Variants in MAX observed in about 807,000 individuals in gnomAD.
The protein encoded by MAX is protein max.
A neutral mutation model predicts 22.3 loss-of-function variants in MAX; 3 were observed. The observed-to-expected ratio is 0.13, with a 90% CI of 0.06 to 0.35. MAX has a LOEUF of 0.35. MAX is among the 10% of genes least tolerant of loss of function. MAX has a pLI of 1.00. For missense variants in MAX, 119 were observed against 209.4 expected (o/e 0.57, Z 2.66); for synonymous variants, 72 against 77.7 (o/e 0.93, Z 0.39).
At chr14:65,087,205 T>C (rs1434671905) in intron 3 of MAX, among the ~76,000 whole-genome samples, 1 of 152,206 alleles carries the variant, frequency 6.6e-6, no homozygotes, top group African/African-American at 2.4e-5. Context: ...AGGGCCCTCA[T>C]GGAGGACCTC....
chr14:65,026,440 G>T (rs935533643), intron 3 of MAX, among the ~76,000 whole-genome samples: 38 of 152,274 alleles, frequency 2.5e-4, no homozygotes, highest in African/African-American at 9.1e-4. Context: ...CCAAGAACCC[G>T]CAGACTGGGA....
chr14:65,102,621 C>T (rs974335804), upstream of MAX: 58 of 1,270,282 alleles, frequency 4.6e-5, no homozygotes, highest in Middle Eastern at 3.0e-4. Context: ...GTCCCTCTAA[C>T]AGACGGCCCG....
rs772958122 is a variant in MAX at position 65,044,428 on chromosome 14, G to A, written c.172-38144C>T. On this transcript the variant is annotated intron_variant, in intron 3 of 3. Coordinates refer to the MAX transcript ENST00000341653. The surrounding 1 kb of genome is among the most constrained non-coding windows in gnomAD (Gnocchi z 5.5). ...GGGGCTCCTGCCCCTGCTCCACCGC[G>A]CACTGCACGCCCAAGGTGAGCCTGG... The A allele has an allele frequency of 3.7e-5, 60 of 1,611,212 alleles. No individual in the cohort carries two copies. Among genetic ancestry groups the A allele is most frequent in the East Asian group, 2.0e-4 (9 of 44,694 alleles).
At chr14:65,099,546 A>G in intron 2 of MAX, among the ~76,000 whole-genome samples, 1 of 151,638 alleles carries the variant, frequency 6.6e-6, no homozygotes, top group East Asian at 1.9e-4. Flanking sequence ...AAACAAACAA[A>G]CAAACAAACA....
Position 65,012,517 on chromosome 14 carries a change from G to C in MAX, c.172-6233C>G. 2 of 1,288,108 alleles carry C rather than the reference G, an allele frequency of 1.6e-6. No homozygotes were observed. 79.8% of individuals were successfully genotyped at this position (1,288,108 alleles called of 1,614,324 possible). ...GTCACTCTTTGTTCTCTGTGGCTCT[G>C]GCAGGAGGTAGGGTGCTGTCACAGA... On this transcript the variant is annotated intron_variant, in intron 3 of 3. Coordinates refer to the MAX transcript ENST00000341653. This position sits in a 1 kb window ranked among gnomAD's most constrained non-coding sequence, Gnocchi z 5.0.
In MAX at chr14:65,030,829, A is replaced by G. The variant is rs149595506; in HGVS notation, c.172-24545T>C. 8.0e-3 allele frequency among the ~76,000 whole-genome samples: 1,204 copies of G among 150,306 alleles called. 7 individuals carry two copies. The highest frequency in any genetic ancestry group is 0.012 in the Non-Finnish European group (839 of 67,654). On this transcript the variant is annotated intron_variant, in intron 3 of 3. Coordinates refer to the MAX transcript ENST00000341653. This position sits in a 1 kb window ranked among gnomAD's most constrained non-coding sequence, Gnocchi z 4.5. Reference sequence around the variant, plus strand: ...TACTTTTTGTTTGTTTTGTTTTGAGATGGAGTTTCTTTCTGTTGCCCAGGC... The same window carrying G: ...TACTTTTTGTTTGTTTTGTTTTGAGGTGGAGTTTCTTTCTGTTGCCCAGGC...
In MAX at chr14:65,028,638, A is replaced by G. The variant is rs2062025427; in HGVS notation, c.172-22354T>C. On this transcript the variant is annotated intron_variant, in intron 3 of 3. Transcript: ENST00000341653. The surrounding 1 kb of genome is among the most constrained non-coding windows in gnomAD (Gnocchi z 4.4). ...AACATTGTGGAGCATAAAATACATT[A>G]CAGATAATAGGTAATCAGGCTGCAA... Among the ~76,000 whole-genome samples, 1 of 152,228 alleles carries G rather than the reference A, an allele frequency of 6.6e-6. No individual in the cohort carries two copies. Among genetic ancestry groups the G allele is most frequent in the Non-Finnish European group, 1.5e-5 (1 of 68,028 alleles).
In MAX at chr14:65,027,318, C is replaced by T. The variant is rs1399375745; in HGVS notation, c.172-21034G>A. The T allele has an allele frequency of 2.9e-6, 4 of 1,380,780 alleles. No individual in the cohort carries two copies. The highest frequency in any genetic ancestry group is 4.2e-5 in the Admixed American group (2 of 47,900). 85.5% of individuals were successfully genotyped at this position (1,380,780 alleles called of 1,614,324 possible). A position where few individuals can be genotyped will look rare whatever the true frequency, so the allele number is the denominator to read the frequency against. On this transcript the variant is annotated intron_variant, in intron 3 of 3. Coordinates refer to the MAX transcript ENST00000341653. The surrounding 1 kb of genome is among the most constrained non-coding windows in gnomAD (Gnocchi z 5.7). Reference sequence around the variant, plus strand: ...CCCTTTGGGGAGAGGTTATATTCAACAAGTGGGAGGAGAGGTTCCCCTCAA... The same window carrying T: ...CCCTTTGGGGAGAGGTTATATTCAATAAGTGGGAGGAGAGGTTCCCCTCAA...
At chr14:65,091,155 T>C (rs1007102673) in intron 3 of MAX, among the ~76,000 whole-genome samples, 1 of 152,140 alleles carries the variant, frequency 6.6e-6, no homozygotes, top group African/African-American at 2.4e-5. Flanking sequence ...CATAATGTCA[T>C]AACCTTAATT....
intron 3 of MAX, among the ~76,000 whole-genome samples, chr14:65,049,786 T>C (rs893859949): frequency 6.6e-6 from 1 of 152,162 alleles, no homozygotes; most frequent in South Asian, 2.1e-4. Context: ...TATGCTTTTT[T>C]AAATAATAGC....
In MAX at chr14:65,075,395, A is replaced by G; in HGVS notation, c.*1081T>C. 1 of 1,063,214 alleles carries G rather than the reference A, an allele frequency of 9.4e-7. No individual in the cohort carries two copies. Among genetic ancestry groups the G allele is most frequent in the South Asian group, 4.6e-5 (1 of 21,964 alleles). 65.9% of individuals were successfully genotyped at this position (1,063,214 alleles called of 1,614,324 possible). On this transcript the variant is annotated 3_prime_UTR_variant, in exon 5 of 5. Coordinates refer to ENST00000358664, the MANE Select transcript of MAX (RefSeq NM_002382.5). This position sits in a 1 kb window ranked among gnomAD's most constrained non-coding sequence, Gnocchi z 4.1. ...ACCAGGGCTGGATCACACAATGGAG[A>G]CAGGTTCCAGGACAGTAGGAAAGGA...
At position 65,006,282 on chromosome 14, in the gene MAX, T is replaced by TAA; in HGVS notation, c.173_174insTT (p.Thr59Ter). The TAA allele has an allele frequency of 6.2e-7, 1 of 1,613,722 alleles. No individual in the cohort carries two copies. The highest frequency in any genetic ancestry group is 2.2e-5 in the East Asian group (1 of 44,872). On this transcript the variant is annotated frameshift_variant and splice_region_variant, in exon 4 of 4. Transcript: ENST00000341653. LOFTEE classifies it low-confidence loss of function (END_TRUNC). ...GTGGGAGGGTTAACTTCATCTTTGT[T>TAA]CCCTGGGGAAGGAAAGGAGGAAAAA...
intron 3 of MAX, among the ~76,000 whole-genome samples, chr14:65,018,942 C>A (rs1200195359): frequency 6.6e-6 from 1 of 152,072 alleles, no homozygotes; most frequent in Admixed American, 6.6e-5. Flanking sequence ...GAAACCCCGT[C>A]TCTACTAAAA....
chr14:65,032,339 T>C lies in MAX; in HGVS notation c.172-26055A>G, dbSNP rs1375531004. ...CACTTTTGACATGAATTGATATGGC[T>C]GTTATTTCCTCTGATGTAGATTGGA... On this transcript the variant is annotated intron_variant, in intron 3 of 3. Transcript: ENST00000341653. The surrounding 1 kb of genome is among the most constrained non-coding windows in gnomAD (Gnocchi z 5.0). The C allele has an allele frequency of 3.2e-6, 1 of 311,946 alleles. No individual in the cohort carries two copies. Among genetic ancestry groups the C allele is most frequent in the Admixed American group, 5.0e-5 (1 of 19,958 alleles). 19.3% of individuals were successfully genotyped at this position (311,946 alleles called of 1,614,324 possible).
At chr14:65,053,936 A>G (rs2062670560) in intron 3 of MAX, among the ~76,000 whole-genome samples, 2 of 152,190 alleles carry the variant, frequency 1.3e-5, no homozygotes, top group Admixed American at 1.3e-4. Flanking sequence ...ATTTTTCTAG[A>G]GAAGTGTATC....
At chr14:65,085,378 A>G (rs1010795101) in intron 3 of MAX, among the ~76,000 whole-genome samples, 3 of 152,102 alleles carry the variant, frequency 2.0e-5, no homozygotes, top group Non-Finnish European at 4.4e-5. Flanking sequence ...CCATTTTTCT[A>G]AAGTTTTTGC....
chr14:65,102,199 G>A (rs1469001418), intron 1 of MAX, 105 bp downstream of exon 1: 10 of 1,562,764 alleles, frequency 6.4e-6, no homozygotes, highest in African/African-American at 1.4e-5. Context: ...GAAGGGGAAG[G>A]AGGCGGCGGC....
At chr14:65,073,342 C>A (rs1300740792), downstream of MAX, among the ~76,000 whole-genome samples, 1 of 152,160 alleles carries the variant, frequency 6.6e-6, no homozygotes, top group Non-Finnish European at 1.5e-5. Context: ...ATTGTCTACT[C>A]AGTCTTGTTT....
In MAX at chr14:65,077,231, C is replaced by T; in HGVS notation, c.296-568G>A. 2.5e-6 allele frequency: 2 copies of T among 789,740 alleles called. No homozygotes were observed. The highest frequency in any genetic ancestry group is 1.7e-5 in the African/African-American group (1 of 58,488). The allele number at this position is 789,740 out of a possible 1,614,324, so 48.9% of individuals were successfully genotyped here. A position where few individuals can be genotyped will look rare whatever the true frequency, so the allele number is the denominator to read the frequency against. On this transcript the variant is annotated intron_variant, in intron 4 of 4. Transcript: ENST00000358664. This position sits in a 1 kb window ranked among gnomAD's most constrained non-coding sequence, Gnocchi z 6.3. Reference sequence around the variant, plus strand: ...CCTGGCCCAGTAACCAACCCACTGACACCACCCACTGCCCATCCCTTGGTT... The same window carrying T: ...CCTGGCCCAGTAACCAACCCACTGATACCACCCACTGCCCATCCCTTGGTT...
Sources: allele counts gnomAD v4.1 joint callset (sites outside exome capture counted in the v4.1 genomes callset), GRCh38; gene constraint gnomAD v4.1.1; non-coding constraint Gnocchi (gnomAD v3.1); transcripts MANE v1.5; gene names NCBI Gene and HGNC (gene_info 2026-07-23, HGNC 2026-07-21).